The following NAV2 variants were observed in gnomAD, a reference collection of about 807,000 sequenced individuals.
The protein encoded by NAV2 is helicase, APC down-regulated 1.
In NAV2, 54 loss-of-function variants were observed where a neutral mutation model predicts 223.2. That is an observed-to-expected ratio of 0.24 (90% CI 0.19 to 0.30). NAV2 has a LOEUF of 0.30. NAV2 is among the 10% of genes least tolerant of loss of function. The probability of loss-of-function intolerance (pLI) is 1.00; values close to 1 mark genes in which losing one functional copy is unlikely to be tolerated. For missense variants in NAV2, 2,806 were observed against 3,147.5 expected, an observed-to-expected ratio of 0.89 and a Z score of 2.60; for synonymous variants, 1,279 against 1,239.3, an observed-to-expected ratio of 1.03 and a Z score of -0.67.
chr11:19,999,622 C>T lies in NAV2; in HGVS notation c.2768+15375C>T, dbSNP rs549186494. On this transcript the variant is annotated intron_variant, in intron 11 of 37. Coordinates refer to ENST00000349880, the MANE Select transcript of NAV2 (RefSeq NM_145117.5). ...CTGACCTCAGGTGATCAGCCCATCTCGGCCTCCCAAAGTGCTGGGATTACA... is the reference window on the plus strand; with the variant it reads ...CTGACCTCAGGTGATCAGCCCATCTTGGCCTCCCAAAGTGCTGGGATTACA... 1.3e-4 allele frequency among the ~76,000 whole-genome samples: 20 copies of T among 152,306 alleles called. 1 individual carries two copies. The South Asian group carries it at 3.7e-3, about 28-fold the overall frequency.
intron 3 of NAV2, among the ~76,000 whole-genome samples, chr11:19,854,887 T>A (rs1777986988): frequency 6.6e-6 from 1 of 152,220 alleles, no homozygotes; most frequent in East Asian, 1.9e-4. Context: ...CTTGTTGTAC[T>A]GCTGAAATCA....
chr11:19,666,778 C>T (rs2048422256), intron 1 of NAV2, among the ~76,000 whole-genome samples: 1 of 152,144 alleles, frequency 6.6e-6, no homozygotes, highest in East Asian at 1.9e-4. Context: ...TTATCTAGCT[C>T]AATGAGACTC....
chr11:19,884,972 G>A (rs375849837), intron 5 of NAV2, among the ~76,000 whole-genome samples: 1 of 152,110 alleles, frequency 6.6e-6, no homozygotes, highest in Non-Finnish European at 1.5e-5. Flanking sequence ...TAAAAAACAG[G>A]CTTGCTCACA....
In NAV2 at chr11:19,588,180, C is replaced by T. The variant is rs117292812; in HGVS notation, c.75+237153C>T. On this transcript the variant is annotated intron_variant, in intron 1 of 37. Coordinates refer to the NAV2 transcript ENST00000360655. ...ACTATTTCGGGCCAGTTCAAAGGTA[C>T]ATCTGTTGACCCCAGAGTCCACTGG... is the stretch of plus-strand genomic sequence containing the variant. 9.1e-4 allele frequency among the ~76,000 whole-genome samples: 138 copies of T among 152,374 alleles called. 1 individual carries two copies. In the East Asian group the frequency reaches 0.025, roughly 27 times the overall value.
At chr11:20,048,225 C>T (rs967466205) in intron 14 of NAV2, among the ~76,000 whole-genome samples, 56 of 152,122 alleles carry the variant, frequency 3.7e-4, no homozygotes, top group African/African-American at 1.4e-3. Context: ...TCCTAGGCCC[C>T]CTCCAGATCT....
At chr11:20,075,728 T>C (rs188250628) in intron 22 of NAV2, among the ~76,000 whole-genome samples, 37 of 152,212 alleles carry the variant, frequency 2.4e-4, no homozygotes, top group Admixed American at 3.3e-4. Flanking sequence ...TCTCCTTAGA[T>C]TGAAATGTCA....
intron 36 of NAV2, among the ~76,000 whole-genome samples, chr11:20,113,139 G>A (rs1173476402): frequency 5.9e-5 from 9 of 152,218 alleles, no homozygotes; most frequent in Non-Finnish European, 8.8e-5. Context: ...CTAGTGGGCC[G>A]TGGAATTGAA....
chr11:19,821,521 A>AC (rs2059381416), intron 1 of NAV2, among the ~76,000 whole-genome samples: 2 of 152,154 alleles, frequency 1.3e-5, no homozygotes, highest in South Asian at 4.1e-4. Context: ...CACAGGCATG[A>AC]CCCAGTGTCT....
chr11:19,570,624 G>A (rs2045397763), intron 1 of NAV2, among the ~76,000 whole-genome samples: 1 of 152,150 alleles, frequency 6.6e-6, no homozygotes, highest in South Asian at 2.1e-4. Flanking sequence ...AGTGAGCAAA[G>A]GACTTGAATA....
chr11:20,017,339 G>A (rs980605892), intron 11 of NAV2, among the ~76,000 whole-genome samples: 4 of 151,992 alleles, frequency 2.6e-5, no homozygotes, highest in African/African-American at 9.7e-5. Flanking sequence ...CACTTGATGC[G>A]TCCCCCTTCC....
At chr11:19,479,570 A>ATTCTGAATTCAGAATTCAGATTCTGCCAT (rs1457019946) in intron 1 of NAV2, among the ~76,000 whole-genome samples, 4 of 152,184 alleles carry the variant, frequency 2.6e-5, no homozygotes, top group Non-Finnish European at 5.9e-5. Context: ...AAGATTCAGA[A>ATTCTGAATTCAGAATTCAGATTCTGCCAT]TCACTAAATG....
At position 19,888,541 on chromosome 11, in the gene NAV2, G is replaced by A. The variant is rs2041225421; in HGVS notation, c.771-3893G>A. On this transcript the variant is annotated intron_variant, in intron 5 of 37. Coordinates refer to ENST00000349880, the MANE Select transcript of NAV2 (RefSeq NM_145117.5). ...CAGAGGCCTCGGCTCTGTACCACTG[G>A]TAAACTGGAAGATATTCTGCTTTTC... Among the ~76,000 whole-genome samples, 3 of 152,146 alleles carry A rather than the reference G, an allele frequency of 2.0e-5. No individual in the cohort carries two copies. The South Asian group carries it at 6.2e-4, about 32-fold the overall frequency.
At chr11:19,792,912 T>TAA (rs755851956) in intron 1 of NAV2, among the ~76,000 whole-genome samples, 5 of 141,530 alleles carry the variant, frequency 3.5e-5, no homozygotes, top group Admixed American at 7.1e-5. Flanking sequence ...AGTGAGCCAT[T>TAA]AAAAAAAAAA....
intron 1 of NAV2, among the ~76,000 whole-genome samples, chr11:19,822,753 T>G (rs759811107): frequency 3.9e-5 from 6 of 152,132 alleles, no homozygotes; most frequent in African/African-American, 7.2e-5. Context: ...TTTATACCCT[T>G]TGGTATAAAT....
intron 1 of NAV2, among the ~76,000 whole-genome samples, chr11:19,635,762 C>T (rs1020326155): frequency 6.6e-6 from 1 of 152,196 alleles, no homozygotes; most frequent in East Asian, 1.9e-4. Flanking sequence ...GATAAACTCT[C>T]GTGACCCAAA....
At chr11:19,353,095 C>T in intron 1 of NAV2, among the ~76,000 whole-genome samples, 1 of 152,154 alleles carries the variant, frequency 6.6e-6, no homozygotes, top group Non-Finnish European at 1.5e-5. Context: ...GAAAATCCAA[C>T]AAAGGCACAA....
In NAV2 at chr11:19,998,145, A is replaced by G. The variant is rs140330970; in HGVS notation, c.2768+13898A>G. Among the ~76,000 whole-genome samples, 472 of 152,252 alleles carry G rather than the reference A, an allele frequency of 3.1e-3. 4 individuals are homozygous for G. Among genetic ancestry groups the G allele is most frequent in the Middle Eastern group, 0.014 (4 of 294 alleles). The stretch of plus-strand genomic sequence containing the variant: ...TATTTTAGGTAATTAATATTATCCT[A>G]AGATAATTGATAAGACTGACTGAAG... On this transcript the variant is annotated intron_variant, in intron 11 of 37. Transcript: ENST00000349880. This position sits in a 1 kb window ranked among gnomAD's most constrained non-coding sequence, Gnocchi z 5.0.
At chr11:19,686,240 C>A (rs1464330998) in intron 1 of NAV2, among the ~76,000 whole-genome samples, 1 of 152,150 alleles carries the variant, frequency 6.6e-6, no homozygotes, top group African/African-American at 2.4e-5. Flanking sequence ...TAGTTGGGTC[C>A]CCTGTGATAT....
intron 8 of NAV2, among the ~76,000 whole-genome samples, chr11:19,943,322 C>CT (rs1391343064): frequency 1.3e-5 from 2 of 152,086 alleles, no homozygotes; most frequent in Admixed American, 6.5e-5. Context: ...TTCATCTTTG[C>CT]TTTTTTTAAA....
Sources: allele counts gnomAD v4.1 joint callset (sites outside exome capture counted in the v4.1 genomes callset), GRCh38; gene constraint gnomAD v4.1.1; non-coding constraint Gnocchi (gnomAD v3.1); transcripts MANE v1.5; gene names NCBI Gene and HGNC (gene_info 2026-07-23, HGNC 2026-07-21).